The following DTNB variants were observed in gnomAD, a reference collection of about 807,000 sequenced individuals.
DTNB encodes the protein dystrobrevin beta.
A neutral mutation model predicts 90.7 loss-of-function variants in DTNB; 63 were observed. That is an observed-to-expected ratio of 0.69 (90% CI 0.57 to 0.86). The LOEUF (loss-of-function observed/expected upper bound fraction) is 0.86, where lower values mean the gene tolerates loss of function less well. DTNB is among the 40% of genes least tolerant of loss of function. DTNB has a pLI of 0.00. For missense variants in DTNB, 744 were observed against 807.1 expected, an observed-to-expected ratio of 0.92 and a Z score of 0.95; for synonymous variants, 277 against 286.7, an observed-to-expected ratio of 0.97 and a Z score of 0.34.
intron 8 of DTNB, among the ~76,000 whole-genome samples, chr2:25,538,008 T>C (rs1178225178): frequency 6.6e-6 from 1 of 152,218 alleles, no homozygotes; most frequent in African/African-American, 2.4e-5. Context: ...TCTTAGGCAA[T>C]GATTTTAAAT....
intron 16 of DTNB, chr2:25,419,300 A>G (rs555348290): frequency 1.5e-6 from 1 of 670,724 alleles, no homozygotes; most frequent in Admixed American, 2.6e-5. Flanking sequence ...GGTACTTACA[A>G]GCTCTGGTTT....
intron 1 of DTNB, among the ~76,000 whole-genome samples, chr2:25,662,651 TACACAC>T (rs371062484): frequency 2.6e-4 from 33 of 129,330 alleles, no homozygotes; most frequent in African/African-American, 8.1e-4. Flanking sequence ...AATATACAAA[TACACAC>T]ACACACACAC....
intron 10 of DTNB, among the ~76,000 whole-genome samples, chr2:25,457,459 C>T (rs991052014): frequency 7.2e-5 from 11 of 152,150 alleles, no homozygotes; most frequent in African/African-American, 2.2e-4. Flanking sequence ...GATTCTAGGC[C>T]TTCTCAGTGG....
intron 12 of DTNB, among the ~76,000 whole-genome samples, chr2:25,441,434 A>G (rs900364279): frequency 2.0e-5 from 3 of 152,188 alleles, no homozygotes; most frequent in African/African-American, 7.2e-5. Flanking sequence ...CACATTCTGA[A>G]TATTATCCTG....
intron 16 of DTNB, among the ~76,000 whole-genome samples, chr2:25,406,047 CG>C (rs1360279287): frequency 6.6e-6 from 1 of 152,048 alleles, no homozygotes; most frequent in Non-Finnish European, 1.5e-5. Context: ...AGGAGGCTGG[CG>C]ATGGCTGGCA....
At chr2:25,652,829 A>G (rs2148942946) in intron 1 of DTNB, 168 bp from the exon 2 acceptor site, 2 of 542,650 alleles carry the variant, frequency 3.7e-6, no homozygotes, top group Non-Finnish European at 6.2e-6. Flanking sequence ...ATAAACTGCC[A>G]TCCTTTTATT....
intron 8 of DTNB, among the ~76,000 whole-genome samples, chr2:25,571,116 G>C (rs1201734357): frequency 6.6e-6 from 1 of 152,118 alleles, no homozygotes; most frequent in Non-Finnish European, 1.5e-5. Context: ...CAAAATCTTA[G>C]ACTTTTCCTT....
intron 12 of DTNB, among the ~76,000 whole-genome samples, chr2:25,448,918 C>A (rs963599992): frequency 5.9e-5 from 9 of 151,344 alleles, no homozygotes; most frequent in Non-Finnish European, 1.0e-4. Context: ...ACTCCTGCAA[C>A]CCACACCCCT....
chr2:25,419,241 G>C (rs1055574694), intron 16 of DTNB: 1 of 550,990 alleles, frequency 1.8e-6, no homozygotes, highest in African/African-American at 1.9e-5. Context: ...GCAGGAAAAT[G>C]CAATGGTAGC....
intron 15 of DTNB, among the ~76,000 whole-genome samples, chr2:25,423,239 T>C (rs750410833): frequency 1.4e-4 from 22 of 152,150 alleles, no homozygotes; most frequent in Admixed American, 3.3e-4. Context: ...TCCTTGATAC[T>C]CCTTGATTGA....
chr2:25,558,855 T>TG (rs1400681391), intron 8 of DTNB, among the ~76,000 whole-genome samples: 1 of 152,116 alleles, frequency 6.6e-6, no homozygotes, highest in African/African-American at 2.4e-5. Flanking sequence ...CCCTAACCCT[T>TG]GGGGGGCTCT....
chr2:25,454,414 A>AG (rs938442441), intron 11 of DTNB, among the ~76,000 whole-genome samples: 10 of 152,150 alleles, frequency 6.6e-5, no homozygotes, highest in African/African-American at 2.2e-4. Context: ...CAAAATTTAA[A>AG]GCTTCAGCCT....
chr2:25,397,818 T>C (rs2042776398), intron 16 of DTNB, among the ~76,000 whole-genome samples: 2 of 143,870 alleles, frequency 1.4e-5, no homozygotes, highest in African/African-American at 2.6e-5. Context: ...AGGTGGAGCT[T>C]GCAGTGAGCC....
chr2:25,514,011 A>G (rs1311449589), intron 9 of DTNB, among the ~76,000 whole-genome samples: 2 of 152,090 alleles, frequency 1.3e-5, no homozygotes, highest in Non-Finnish European at 2.9e-5. Flanking sequence ...GAAAAAAAAA[A>G]AAAAAGCCTT....
chr2:25,555,685 C>T lies in DTNB; in HGVS notation c.876+21153G>A, dbSNP rs141388116. The stretch of plus-strand genomic sequence containing the variant: ...ATTCAATATGAACCTCTTTCCACAT[C>T]GATTCCACTTATTATGACTACCTAT... On this transcript the variant is annotated intron_variant, in intron 8 of 20. Coordinates refer to ENST00000406818, the MANE Select transcript of DTNB (RefSeq NM_021907.5). Among the ~76,000 whole-genome samples the T allele has an allele frequency of 6.3e-3, 959 of 152,252 alleles. 12 individuals are homozygous for T. The highest frequency in any genetic ancestry group is 0.022 in the African/African-American group (899 of 41,540).
At chr2:25,507,225 A>G (rs1393411112) in intron 9 of DTNB, among the ~76,000 whole-genome samples, 2 of 152,216 alleles carry the variant, frequency 1.3e-5, no homozygotes, top group Non-Finnish European at 2.9e-5. Flanking sequence ...TGAAGATGGT[A>G]AACTTTTGGA....
At chr2:25,435,898 G>A (rs1297026236) in intron 12 of DTNB, among the ~76,000 whole-genome samples, 1 of 152,184 alleles carries the variant, frequency 6.6e-6, no homozygotes, top group Non-Finnish European at 1.5e-5. Context: ...GTATCTCATT[G>A]TAAGGCAATT....
chr2:25,620,207 C>T (rs981170463), intron 4 of DTNB, among the ~76,000 whole-genome samples: 1 of 152,078 alleles, frequency 6.6e-6, no homozygotes, highest in Non-Finnish European at 1.5e-5. Context: ...AAAAGAAGAG[C>T]GTCTCCAGGA....
intron 9 of DTNB, among the ~76,000 whole-genome samples, chr2:25,509,155 T>C (rs906170494): frequency 1.3e-5 from 2 of 152,184 alleles, no homozygotes; most frequent in Admixed American, 6.5e-5. Context: ...TTTAATTTCT[T>C]TTTCTCGTAT....
Sources: gnomAD v4.1 joint callset for allele counts (sites outside exome capture counted in the v4.1 genomes callset) on GRCh38, gnomAD v4.1.1 for gene constraint, MANE v1.5 for transcripts, NCBI Gene and HGNC (gene_info 2026-07-23, HGNC 2026-07-21) for gene names.